SFMBT1: variants seen among roughly 807,000 people sequenced by gnomAD.
SFMBT1 encodes the protein Scm like with four mbt domains 1, also known as scm-like with four MBT domains protein 1.
A neutral mutation model predicts 108.7 loss-of-function variants in SFMBT1; 32 were observed. The ratio of observed to expected loss-of-function variants is 0.29; its 90% confidence interval spans 0.22 to 0.40. The LOEUF (loss-of-function observed/expected upper bound fraction) is 0.40, where lower values mean the gene tolerates loss of function less well. SFMBT1 is among the 10% of genes least tolerant of loss of function. The pLI, the probability that SFMBT1 is intolerant of heterozygous loss-of-function variation, is 1.00. For synonymous variants in SFMBT1, 348 were observed against 369.5 expected, an observed-to-expected ratio of 0.94 and a Z score of 0.67; for missense variants, 816 against 1,059.6, an observed-to-expected ratio of 0.77 and a Z score of 3.19.
At chr3:53,022,345 G>A (rs1699338808) in intron 1 of SFMBT1, among the ~76,000 whole-genome samples, 1 of 151,362 alleles carries the variant, frequency 6.6e-6, no homozygotes, top group Admixed American at 6.6e-5. Context: ...AGCTACTCGG[G>A]AGGCTGAGAC....
chr3:52,935,628 TTC>T (rs1231248147), intron 4 of SFMBT1, among the ~76,000 whole-genome samples: 1 of 152,276 alleles, frequency 6.6e-6, no homozygotes, highest in South Asian at 2.1e-4. Context: ...AGAAAATATT[TTC>T]TTACAAAACC....
intron 16 of SFMBT1, among the ~76,000 whole-genome samples, chr3:52,912,111 G>T (rs1243656179): frequency 6.6e-6 from 1 of 152,152 alleles, no homozygotes; most frequent in Non-Finnish European, 1.5e-5. Context: ...ACCACAAATA[G>T]CTGAAAAAGC....
chr3:52,959,973 C>G (rs981556431), intron 2 of SFMBT1, among the ~76,000 whole-genome samples: 1 of 151,738 alleles, frequency 6.6e-6, no homozygotes, highest in Non-Finnish European at 1.5e-5. Flanking sequence ...CTCCACATGA[C>G]CACAAGGAGG....
intron 1 of SFMBT1, among the ~76,000 whole-genome samples, chr3:53,013,252 A>G (rs1699014193): frequency 6.6e-6 from 1 of 151,756 alleles, no homozygotes; most frequent in South Asian, 2.1e-4. Flanking sequence ...CAATTTATGC[A>G]CTAGTTTCTA....
chr3:52,945,140 A>AAAAAAAAAAAAAAAAAAAAAT, intron 3 of SFMBT1, among the ~76,000 whole-genome samples: 1 of 146,172 alleles, frequency 6.8e-6, no homozygotes, highest in Non-Finnish European at 1.5e-5. Flanking sequence ...TCCAATTAAA[A>AAAAAAAAAAAAAAAAAAAAAT]AAAAAAAAAA....
At chr3:53,018,254 A>G (rs1699191241) in intron 1 of SFMBT1, 1 of 152,310 alleles carries the variant, frequency 6.6e-6, no homozygotes, top group East Asian at 1.9e-4. Flanking sequence ...AAAAGAAAAA[A>G]AAGAAAAAGA....
chr3:52,968,863 G>T (rs532376569), intron 2 of SFMBT1, among the ~76,000 whole-genome samples: 1 of 152,198 alleles, frequency 6.6e-6, no homozygotes, highest in Admixed American at 6.5e-5. Context: ...AAAGTGTTAT[G>T]ATTACAGGTA....
intron 17 of SFMBT1, 62 bp from the exon 18 acceptor site, chr3:52,907,795 C>G (rs1294546746): frequency 3.4e-6 from 5 of 1,460,918 alleles, no homozygotes; most frequent in Non-Finnish European, 4.6e-6. Flanking sequence ...CTCAAAACCA[C>G]AAGAGATTTT....
rs770071383 is a variant in SFMBT1 at position 52,928,299 on chromosome 3, G to C, written c.940C>G (p.Arg314Gly). 4.5e-5 allele frequency: 72 copies of C among 1,613,788 alleles called. No homozygotes were observed. In the South Asian group the frequency reaches 7.8e-4, roughly 17 times the overall value. The change falls in exon 9 of 21, where the codon CGT becomes GGT. Residue 314 changes from arginine (R) to glycine (G), a missense_variant. Arg to Gly is a moderately radical substitution (Grantham distance 125). This residue lies in a region of SFMBT1 where 495 missense variants were observed against 607.4 expected (regional missense o/e 0.81). Coordinates refer to ENST00000394752, the MANE Select transcript of SFMBT1 (RefSeq NM_016329.4). The stretch of plus-strand genomic sequence containing the variant: ...GATCGCCGTGCGTGGTTCTCAGGAC[G>C]CAAGTCATCCATTTCCACCAGAAAG... Reference protein sequence around the residue: ...KYFLVEMDDLRPENHARRSFV... With the variant: ...KYFLVEMDDLGPENHARRSFV...
At chr3:52,963,150 T>C (rs1040020659) in intron 2 of SFMBT1, among the ~76,000 whole-genome samples, 2 of 151,678 alleles carry the variant, frequency 1.3e-5, no homozygotes, top group Non-Finnish European at 2.9e-5. Context: ...CATACCACCA[T>C]GCCCAGCTGA....
At chr3:53,000,775 C>T (rs1698521048) in intron 1 of SFMBT1, among the ~76,000 whole-genome samples, 1 of 149,592 alleles carries the variant, frequency 6.7e-6, no homozygotes, top group African/African-American at 2.4e-5. Context: ...GACCCAACAC[C>T]CCTTCTAGGA....
Position 53,028,927 on chromosome 3 carries a change from C to G in SFMBT1, c.-131+16889G>C, listed in dbSNP as rs187831475. Among the ~76,000 whole-genome samples the G allele has an allele frequency of 5.5e-3, 833 of 152,202 alleles. 33 individuals are homozygous for G. The highest frequency in any genetic ancestry group is 0.051 in the Admixed American group (781 of 15,290). On this transcript the variant is annotated intron_variant, in intron 1 of 20. Coordinates refer to ENST00000394752, the MANE Select transcript of SFMBT1 (RefSeq NM_016329.4). ...GTAGCTCATGCCTATAATCCCAGCACTTTGGGAGGCCAAGACAGGCAGATC... is the reference window on the plus strand; with the variant it reads ...GTAGCTCATGCCTATAATCCCAGCAGTTTGGGAGGCCAAGACAGGCAGATC...
At chr3:52,948,918 C>CT (rs1703476585) in intron 3 of SFMBT1, among the ~76,000 whole-genome samples, 1 of 314 alleles carries the variant, frequency 3.2e-3, no homozygotes, top group Non-Finnish European at 0.056. Context: ...CCCACCTTGG[C>CT]TCCCAAAGTG....
chr3:52,958,454 G>A (rs549607039), intron 2 of SFMBT1, among the ~76,000 whole-genome samples: 1 of 152,316 alleles, frequency 6.6e-6, no homozygotes, highest in East Asian at 1.9e-4. Context: ...AGCCAGGCGT[G>A]GTGGCGTGTG....
chr3:52,922,988 A>G (rs1413068466), intron 10 of SFMBT1, among the ~76,000 whole-genome samples: 1 of 152,172 alleles, frequency 6.6e-6, no homozygotes, highest in Non-Finnish European at 1.5e-5. Context: ...TCCCCAACAA[A>G]TGGCCAATCA....
chr3:52,964,693 G>C (rs565209927), intron 2 of SFMBT1, among the ~76,000 whole-genome samples: 12 of 152,082 alleles, frequency 7.9e-5, no homozygotes, highest in Non-Finnish European at 1.8e-4. Context: ...TGCAAGTTTG[G>C]GGGGCAGGAT....
intron 1 of SFMBT1, among the ~76,000 whole-genome samples, chr3:53,009,653 C>T (rs1028880398): frequency 6.6e-6 from 1 of 152,172 alleles, no homozygotes; most frequent in African/African-American, 2.4e-5. Flanking sequence ...GGATTACCAA[C>T]TGCCCTCACA....
At chr3:53,027,490 GT>G (rs1699533847) in intron 1 of SFMBT1, among the ~76,000 whole-genome samples, 1 of 152,156 alleles carries the variant, frequency 6.6e-6, no homozygotes, top group African/African-American at 2.4e-5. Context: ...AATTACTATG[GT>G]ATCAGATCAT....
At chr3:52,958,647 G>A (rs1272824293) in intron 2 of SFMBT1, among the ~76,000 whole-genome samples, 1 of 152,140 alleles carries the variant, frequency 6.6e-6, no homozygotes, top group Non-Finnish European at 1.5e-5. Context: ...TGAGGCTGCA[G>A]AGAAATAGGA....
Sources: allele counts gnomAD v4.1 joint callset (sites outside exome capture counted in the v4.1 genomes callset), GRCh38; gene constraint gnomAD v4.1.1; regional missense constraint gnomAD v4.1.1; transcripts MANE v1.5; gene names NCBI Gene and HGNC (gene_info 2026-07-23, HGNC 2026-07-21).